CACNA1I: variants seen among roughly 807,000 people sequenced by gnomAD.
CACNA1I encodes the protein voltage-dependent T-type calcium channel subunit alpha-1I.
In CACNA1I, 74 loss-of-function variants were observed where a neutral mutation model predicts 201.6. The observed-to-expected ratio is 0.37, with a 90% CI of 0.30 to 0.45. The LOEUF (loss-of-function observed/expected upper bound fraction) is 0.45, where lower values mean the gene tolerates loss of function less well. Ranked by LOEUF, CACNA1I falls within the 20% of genes least tolerant of loss-of-function variation. The pLI, the probability that CACNA1I is intolerant of heterozygous loss-of-function variation, is 1.00. For synonymous variants in CACNA1I, 1,431 were observed against 1,345.2 expected (o/e 1.06, Z -1.40); for missense variants, 2,346 against 3,138.1 (o/e 0.75, Z 6.03).
intron 33 of CACNA1I, 108 bp from the exon 34 acceptor site, chr22:39,680,822 C>T (rs1298419453): frequency 1.6e-6 from 2 of 1,247,234 alleles, no homozygotes; most frequent in East Asian, 2.5e-5. Context: ...CCTTTCTGAC[C>T]ACTGCTCGGC....
intron 14 of CACNA1I, 78 bp from the exon 15 acceptor site, chr22:39,660,266 C>A: frequency 1.9e-6 from 2 of 1,079,072 alleles, no homozygotes; most frequent in Non-Finnish European, 2.7e-6. Flanking sequence ...TGGAAACACC[C>A]ATAGAAAAAT....
chr22:39,572,997 G>A (rs997417379), intron 1 of CACNA1I, among the ~76,000 whole-genome samples: 1 of 152,044 alleles, frequency 6.6e-6, no homozygotes, highest in African/African-American at 2.4e-5. Flanking sequence ...CTCGTGAACC[G>A]CCTGCCTCGG....
Position 39,684,221 on chromosome 22 carries a change from T to A in CACNA1I, c.5831-81T>A. The A allele has an allele frequency of 8.2e-7, 1 of 1,223,128 alleles. No homozygotes were observed. The highest frequency in any genetic ancestry group is 1.3e-5 in the South Asian group (1 of 76,816). 75.8% of individuals were successfully genotyped at this position (1,223,128 alleles called of 1,614,324 possible). A position where few individuals can be genotyped will look rare whatever the true frequency, so the allele number is the denominator to read the frequency against. On this transcript the variant is annotated intron_variant, in intron 35 of 36. Coordinates refer to ENST00000402142, the MANE Select transcript of CACNA1I (RefSeq NM_021096.4). The surrounding 1 kb of genome is among the most constrained non-coding windows in gnomAD (Gnocchi z 4.6). Reference sequence around the variant, plus strand: ...GCCCCTCACTGCTGGCCCAGTGAGATTGGTGCTCAATGCCACCTTCCAGGG... The same window carrying A: ...GCCCCTCACTGCTGGCCCAGTGAGAATGGTGCTCAATGCCACCTTCCAGGG...
intron 34 of CACNA1I, 111 bp downstream of exon 34, chr22:39,681,163 A>C: frequency 8.0e-7 from 1 of 1,248,446 alleles, no homozygotes; most frequent in Admixed American, 2.5e-5. Flanking sequence ...AACGGCACCC[A>C]CTGTGCTAGG....
At position 39,649,920 on chromosome 22, in the gene CACNA1I, G is replaced by A. The variant is rs768172049; in HGVS notation, c.1987G>A (p.Glu663Lys). Reference sequence around the variant, plus strand: ...CGTCAGCATGGGCATCGAGCACCACGAGCAGGCCAGTGCAGCGCAGCCGGG... The same window carrying A: ...CGTCAGCATGGGCATCGAGCACCACAAGCAGGCCAGTGCAGCGCAGCCGGG... ...NTVSMGIEHH[E>K]QPEELTNILE... The change falls in exon 10 of 37, where the codon GAG (glutamate) becomes AAG (lysine). Residue 663 changes from glutamate (E) to lysine (K), a missense_variant. Coordinates refer to ENST00000402142, the MANE Select transcript of CACNA1I (RefSeq NM_021096.4). The surrounding 1 kb of genome is among the most constrained non-coding windows in gnomAD (Gnocchi z 7.3). 3.1e-6 allele frequency: 5 copies of A among 1,612,968 alleles called. No individual in the cohort carries two copies. Among genetic ancestry groups the A allele is most frequent in the East Asian group, 2.2e-5 (1 of 44,820 alleles).
intron 3 of CACNA1I, among the ~76,000 whole-genome samples, chr22:39,605,939 A>C (rs1161856846): frequency 2.0e-5 from 3 of 152,140 alleles, no homozygotes; most frequent in African/African-American, 7.2e-5. Context: ...CAAGGGCTTC[A>C]TTGCACAGGC....
At chr22:39,583,914 A>G (rs1259538764) in intron 1 of CACNA1I, among the ~76,000 whole-genome samples, 1 of 152,238 alleles carries the variant, frequency 6.6e-6, no homozygotes, top group African/African-American at 2.4e-5. Context: ...TGTGCAGCAC[A>G]GCTTTTGATG....
chr22:39,623,049 C>G (rs141294584), intron 4 of CACNA1I, among the ~76,000 whole-genome samples: 1 of 152,290 alleles, frequency 6.6e-6, no homozygotes, highest in Non-Finnish European at 1.5e-5. Flanking sequence ...TAGGGTCTGC[C>G]CAGCAGGGGG....
Position 39,686,005 on chromosome 22 carries a change from G to T in CACNA1I, c.6272G>T (p.Gly2091Val). 8.0e-7 allele frequency: 1 copy of T among 1,244,592 alleles called. No individual in the cohort carries two copies. The highest frequency in any genetic ancestry group is 1.0e-6 in the Non-Finnish European group (1 of 999,286). 77.1% of individuals were successfully genotyped at this position (1,244,592 alleles called of 1,614,324 possible). Reference sequence around the variant, plus strand: ...CATCAGCGCAGCCACAGCAGCGGGGGCTCCACCAGCCCGGGCTGCACCCAC... The same window carrying T: ...CATCAGCGCAGCCACAGCAGCGGGGTCTCCACCAGCCCGGGCTGCACCCAC... ...RAHQRSHSSGGSTSPGCTHHD... is the reference protein window; with the variant it reads ...RAHQRSHSSGVSTSPGCTHHD... Residue 2091 changes from glycine to valine, a missense_variant, in exon 37 of 37, where the codon GGC becomes GTC. This residue lies in a region of CACNA1I where 441 missense variants were observed against 555.6 expected (regional missense o/e 0.79). Coordinates refer to ENST00000402142, the MANE Select transcript of CACNA1I (RefSeq NM_021096.4).
intron 3 of CACNA1I, among the ~76,000 whole-genome samples, chr22:39,611,988 G>A (rs933898598): frequency 6.6e-6 from 1 of 152,224 alleles, no homozygotes; most frequent in African/African-American, 2.4e-5. Flanking sequence ...GGAACTGCGA[G>A]TGTTGCTGTT....
At chr22:39,640,659 C>T (rs1934329411) in intron 5 of CACNA1I, among the ~76,000 whole-genome samples, 1 of 152,182 alleles carries the variant, frequency 6.6e-6, no homozygotes, top group South Asian at 2.1e-4. Flanking sequence ...TGAGGCTCCC[C>T]AGAGAAGGGG....
In CACNA1I at chr22:39,679,295, C is replaced by T. The variant is rs554527618; in HGVS notation, c.5244C>T (p.Ala1748=). The change falls in exon 32 of 37, where the codon GCC becomes GCT. Residue 1748 remains alanine (A), a synonymous_variant. Transcript: ENST00000402142. ...KEAQEDAEMD[A]ELELEMAHGL... is the part of the protein sequence containing the mutation. ...CGCAGGAGGACGCCGAGATGGATGC[C>T]GAGCTCGAGCTGGAGATGGCCCATG... The T allele has an allele frequency of 3.1e-5, 49 of 1,562,668 alleles. No homozygotes were observed. In the East Asian group the frequency reaches 7.9e-4, roughly 25 times the overall value.
intron 24 of CACNA1I, 44 bp downstream of exon 24, chr22:39,668,425 ACATGGTGT>A: frequency 7.6e-7 from 1 of 1,310,060 alleles, no homozygotes; most frequent in Non-Finnish European, 1.1e-6. Flanking sequence ...GCAGGGAGGA[ACATGGTGT>A]CCTTGGGGCC....
At chr22:39,653,720 G>A (rs537175142) in intron 10 of CACNA1I, among the ~76,000 whole-genome samples, 142 of 152,306 alleles carry the variant, frequency 9.3e-4, no homozygotes, top group Middle Eastern at 3.4e-3. Context: ...CAGGGTGCTT[G>A]AATGACAGGT....
At chr22:39,591,548 CTTCTT>C (rs1569050889) in intron 1 of CACNA1I, among the ~76,000 whole-genome samples, 1 of 151,918 alleles carries the variant, frequency 6.6e-6, no homozygotes, top group Non-Finnish European at 1.5e-5. Context: ...ACTAGCATCT[CTTCTT>C]TTCTTTTCTT....
intron 4 of CACNA1I, among the ~76,000 whole-genome samples, chr22:39,619,645 A>G (rs983851374): frequency 6.6e-6 from 1 of 152,178 alleles, no homozygotes; most frequent in African/African-American, 2.4e-5. Context: ...TCTGAGTCCC[A>G]GGAGAGTCTG....
In CACNA1I at chr22:39,672,810, A is replaced by G. The variant is rs1935409809; in HGVS notation, c.4650-139A>G. The stretch of plus-strand genomic sequence containing the variant: ...GGACCCAGTGGCGTTAGGAGGGGCT[A>G]GTAAGGGAGGGCAGCCACACAGCCT... On this transcript the variant is annotated intron_variant, in intron 27 of 36. Transcript: ENST00000402142. 3.6e-6 allele frequency: 3 copies of G among 827,872 alleles called. No homozygotes were observed. In the East Asian group the frequency reaches 8.2e-5, roughly 23 times the overall value. 51.3% of individuals were successfully genotyped at this position (827,872 alleles called of 1,614,324 possible).
rs763043880 is a variant in CACNA1I at position 39,661,200 on chromosome 22, G to A, written c.2791G>A (p.Gly931Arg). The change falls in exon 16 of 37, where the codon GGA becomes AGA. Residue 931 changes from glycine to arginine, a missense_variant. Transcript: ENST00000402142. ...GCACCTAGGTCCTGCTGGGGCTGCG[G>A]GACCTGCCCCCCGACTCTCACTGCA... ...GGHLGPAGAA[G>R]PAPRLSLQPD... 2 of 1,612,384 alleles carry A rather than the reference G, an allele frequency of 1.2e-6. No homozygotes were observed. Among genetic ancestry groups the A allele is most frequent in the Non-Finnish European group, 1.7e-6 (2 of 1,179,446 alleles).
intron 4 of CACNA1I, among the ~76,000 whole-genome samples, chr22:39,625,392 G>T (rs1442969855): frequency 1.3e-5 from 2 of 152,206 alleles, no homozygotes; most frequent in African/African-American, 4.8e-5. Flanking sequence ...CAACCAGGAA[G>T]ATGCAAGTGT....
Sources: gnomAD v4.1 joint callset for allele counts (sites outside exome capture counted in the v4.1 genomes callset) on GRCh38, gnomAD v4.1.1 for gene constraint, gnomAD v4.1.1 regional missense constraint, Gnocchi (gnomAD v3.1) non-coding constraint, MANE v1.5 for transcripts, NCBI Gene and HGNC (gene_info 2026-07-23, HGNC 2026-07-21) for gene names.